The following PARG variants were observed in gnomAD, a reference collection of about 807,000 sequenced individuals.
PARG encodes poly(ADP-ribose) glycohydrolase.
PARG carries 35 observed loss-of-function variants against 113.0 expected under a neutral mutation model. The ratio of observed to expected loss-of-function variants is 0.31; its 90% CI spans 0.24 to 0.41. The LOEUF is 0.41. PARG is among the 10% of genes least tolerant of loss of function. The pLI, the probability that PARG is intolerant of heterozygous loss-of-function variation, is 1.00. For missense variants in PARG, 797 were observed against 1,169.4 expected (o/e 0.68, Z 4.64); for synonymous variants, 330 against 409.9 (o/e 0.81, Z 2.36).
chr10:49,850,941 T>G (rs1845732983), intron 13 of PARG, among the ~76,000 whole-genome samples: 1 of 152,044 alleles, frequency 6.6e-6, no homozygotes. Context: ...GTTTAAAATT[T>G]AAATTAATGA....
At chr10:49,886,561 T>A (rs1460348992) in intron 7 of PARG, among the ~76,000 whole-genome samples, 1 of 152,124 alleles carries the variant, frequency 6.6e-6, no homozygotes, top group Admixed American at 6.5e-5. Flanking sequence ...GTCATAAGCA[T>A]ACAGAAAATT....
rs1354280989 is a variant in PARG at position 49,941,868 on chromosome 10, G to A, written c.-143C>T. 1 of 1,435,178 alleles carries A rather than the reference G, an allele frequency of 7.0e-7. No homozygotes were observed. Among genetic ancestry groups the A allele is most frequent in the East Asian group, 2.5e-5 (1 of 40,432 alleles). The allele number at this position is 1,435,178 out of a possible 1,614,324, so 88.9% of individuals were successfully genotyped here. On this transcript the variant is annotated 5_prime_UTR_variant, in exon 1 of 18. Transcript: ENST00000616448. ...GCCGCTGCCTGCTTCTGCAATTGCT[G>A]ATCCGCCGGCCTCCCAAGTCAGGCC...
intron 14 of PARG, among the ~76,000 whole-genome samples, chr10:49,842,655 T>A (rs989105548): frequency 2.6e-5 from 4 of 152,260 alleles, no homozygotes; most frequent in African/African-American, 9.6e-5. Context: ...AAAGGACTGG[T>A]TGAGATGATA....
chr10:49,843,375 G>A (rs1554832709), intron 14 of PARG, among the ~76,000 whole-genome samples, 179 bp downstream of exon 14: 1 of 152,104 alleles, frequency 6.6e-6, no homozygotes, highest in African/African-American at 2.4e-5. Flanking sequence ...CTTCCCTTTG[G>A]TACAGGAAGA....
At chr10:49,845,403 G>A (rs1554833160) in intron 13 of PARG, among the ~76,000 whole-genome samples, 1 of 152,182 alleles carries the variant, frequency 6.6e-6, no homozygotes, top group Admixed American at 6.5e-5. Flanking sequence ...TATATATGAA[G>A]AGATTTATTG....
At chr10:49,891,230 C>A (rs1239070372) in intron 7 of PARG, among the ~76,000 whole-genome samples, 2 of 152,194 alleles carry the variant, frequency 1.3e-5, no homozygotes, top group African/African-American at 2.4e-5. Context: ...AGGAGAATTG[C>A]CTGAACCCGG....
At chr10:49,893,068 A>G (rs1486279063) in intron 7 of PARG, among the ~76,000 whole-genome samples, 1 of 152,170 alleles carries the variant, frequency 6.6e-6, no homozygotes, top group Non-Finnish European at 1.5e-5. Flanking sequence ...TTGTGTGCAT[A>G]TATTTTCATA....
chr10:49,827,661 T>C (rs1049883132), intron 16 of PARG, among the ~76,000 whole-genome samples: 1 of 152,068 alleles, frequency 6.6e-6, no homozygotes, highest in East Asian at 1.9e-4. Flanking sequence ...CTAGGAGAAA[T>C]TTACAAAAGC....
intron 16 of PARG, among the ~76,000 whole-genome samples, chr10:49,829,241 A>T (rs1383421993): frequency 1.4e-5 from 2 of 145,698 alleles, no homozygotes; most frequent in African/African-American, 2.5e-5. Flanking sequence ...GTCTCAAAAT[A>T]AAAAAAAAAA....
intron 8 of PARG, among the ~76,000 whole-genome samples, chr10:49,882,142 C>A (rs1847246213): frequency 1.3e-5 from 2 of 150,332 alleles, no homozygotes; most frequent in Non-Finnish European, 3.0e-5. Flanking sequence ...TTAATGATTT[C>A]TCCTCTCTTG....
intron 15 of PARG, among the ~76,000 whole-genome samples, chr10:49,841,033 G>A (rs199983338): frequency 1.1e-4 from 17 of 152,188 alleles, no homozygotes; most frequent in East Asian, 7.7e-4. Context: ...GGGCAGGATC[G>A]CCTGAGGTCA....
intron 16 of PARG, among the ~76,000 whole-genome samples, chr10:49,827,898 T>G (rs1447418385): frequency 2.0e-5 from 3 of 152,028 alleles, no homozygotes; most frequent in Non-Finnish European, 2.9e-5. Context: ...AGAAATAGTA[T>G]TATCTACATT....
At chr10:49,853,162 T>C (rs1325892500) in intron 13 of PARG, among the ~76,000 whole-genome samples, 2 of 151,076 alleles carry the variant, frequency 1.3e-5, no homozygotes, top group African/African-American at 4.9e-5. Context: ...GCCTCCCAAG[T>C]AGCTGGGACT....
At position 49,941,764 on chromosome 10, in the gene PARG, G is replaced by C. The variant is rs1260101795; in HGVS notation, c.-39C>G. ...GCGCACTGTCCCCGGGCCGGCCCGGGCGGAGAGCCTCATTCACTAACCCTG... is the reference window on the plus strand; with the variant it reads ...GCGCACTGTCCCCGGGCCGGCCCGGCCGGAGAGCCTCATTCACTAACCCTG... On this transcript the variant is annotated 5_prime_UTR_variant, in exon 1 of 18. Transcript: ENST00000616448. 7 of 1,544,840 alleles carry C rather than the reference G, an allele frequency of 4.5e-6. No individual in the cohort carries two copies. The East Asian group carries it at 1.2e-4, about 27-fold the overall frequency.
chr10:49,880,480 T>G (rs1238718149), intron 8 of PARG, among the ~76,000 whole-genome samples: 3 of 152,200 alleles, frequency 2.0e-5, no homozygotes, highest in African/African-American at 7.2e-5. Context: ...CTTCAAATCT[T>G]TTATGTCTAA....
At position 49,883,388 on chromosome 10, in the gene PARG, A is replaced by G. The variant is rs538544119; in HGVS notation, c.1830+1815T>C. Among the ~76,000 whole-genome samples, 42 of 150,720 alleles carry G rather than the reference A, an allele frequency of 2.8e-4. No homozygotes were observed. The East Asian group carries it at 8.2e-3, about 30-fold the overall frequency. ...AGCAAGAGGCGTTGGCCCTAGAAAT[A>G]AAAGACAAAGGCAAATTCAAGCACG... On this transcript the variant is annotated intron_variant, in intron 8 of 17. Transcript: ENST00000616448.
intron 10 of PARG, among the ~76,000 whole-genome samples, chr10:49,868,045 T>C (rs1462778843): frequency 1.3e-5 from 2 of 152,200 alleles, no homozygotes; most frequent in Non-Finnish European, 2.9e-5. Flanking sequence ...TAGAGTGCAG[T>C]GGCACAATCT....
At chr10:49,839,730 A>T (rs1177110952) in intron 15 of PARG, among the ~76,000 whole-genome samples, 1 of 152,250 alleles carries the variant, frequency 6.6e-6, no homozygotes, top group Non-Finnish European at 1.5e-5. Context: ...ATAACTTCTA[A>T]AAGTGAATGA....
chr10:49,861,907 G>T, intron 11 of PARG, among the ~76,000 whole-genome samples: 1 of 151,024 alleles, frequency 6.6e-6, no homozygotes. Flanking sequence ...TAAATAATAT[G>T]AAAGTTTTTC....
Sources: allele counts gnomAD v4.1 joint callset (sites outside exome capture counted in the v4.1 genomes callset), GRCh38; gene constraint gnomAD v4.1.1; transcripts MANE v1.5; gene names NCBI Gene and HGNC (gene_info 2026-07-23, HGNC 2026-07-21).